Variants in FRAS1 observed in about 807,000 individuals in gnomAD.
The protein encoded by FRAS1 is extracellular matrix organizing protein FRAS1.
In FRAS1, 290 loss-of-function variants were observed where a neutral mutation model predicts 435.2. That is an observed-to-expected ratio of 0.67 (90% confidence interval 0.61 to 0.73). The LOEUF (loss-of-function observed/expected upper bound fraction) is 0.73, where lower values mean the gene tolerates loss of function less well. FRAS1 is among the 30% of genes least tolerant of loss of function. The probability of loss-of-function intolerance (pLI) is 0.00; values close to 1 mark genes in which losing one functional copy is unlikely to be tolerated. For missense variants in FRAS1, 4,860 were observed against 5,001.5 expected (o/e 0.97, Z 0.85); for synonymous variants, 1,800 against 1,851.0 (o/e 0.97, Z 0.71).
At chr4:78,451,110 C>G (rs1719007524) in intron 45 of FRAS1, among the ~76,000 whole-genome samples, 1 of 152,124 alleles carries the variant, frequency 6.6e-6, no homozygotes, top group South Asian at 2.1e-4. Flanking sequence ...TTAATTATTT[C>G]ATATGTCGGT....
At chr4:78,187,268 G>C (rs1427927337) in intron 2 of FRAS1, among the ~76,000 whole-genome samples, 2 of 152,160 alleles carry the variant, frequency 1.3e-5, no homozygotes, top group African/African-American at 4.8e-5. Context: ...AAAGGGGAGA[G>C]GGCCCTTAGC....
intron 26 of FRAS1, among the ~76,000 whole-genome samples, chr4:78,377,084 G>C (rs1045688371): frequency 6.6e-6 from 1 of 152,088 alleles, no homozygotes; most frequent in Non-Finnish European, 1.5e-5. Context: ...ATAACAAAGA[G>C]AAGTGAATTT....
intron 2 of FRAS1, among the ~76,000 whole-genome samples, chr4:78,093,625 C>T (rs1213683956): frequency 6.6e-6 from 1 of 152,140 alleles, no homozygotes; most frequent in African/African-American, 2.4e-5. Flanking sequence ...TGCTCTCCAA[C>T]ATTTTATTTT....
chr4:78,318,302 G>C (rs1729359763), intron 17 of FRAS1, among the ~76,000 whole-genome samples: 1 of 152,190 alleles, frequency 6.6e-6, no homozygotes, highest in Admixed American at 6.5e-5. Flanking sequence ...GCAAAATACT[G>C]TCTAGAAAAG....
chr4:78,396,709 T>G (rs192484856), intron 29 of FRAS1, among the ~76,000 whole-genome samples: 1 of 152,350 alleles, frequency 6.6e-6, no homozygotes, highest in East Asian at 1.9e-4. Context: ...TCATTCTTTT[T>G]TATTTTTGTT....
At chr4:78,222,447 T>A (rs1240674595) in intron 2 of FRAS1, among the ~76,000 whole-genome samples, 5 of 152,182 alleles carry the variant, frequency 3.3e-5, no homozygotes, top group Non-Finnish European at 7.3e-5. Context: ...CACAGCGACT[T>A]CTCCGTAAAT....
intron 2 of FRAS1, among the ~76,000 whole-genome samples, chr4:78,215,774 A>G (rs894195558): frequency 6.6e-5 from 10 of 152,334 alleles, no homozygotes; most frequent in Admixed American, 2.6e-4. Flanking sequence ...AATTTGGAGC[A>G]TATATCAGAG....
At chr4:78,142,981 G>A (rs1720257904) in intron 2 of FRAS1, among the ~76,000 whole-genome samples, 1 of 151,960 alleles carries the variant, frequency 6.6e-6, no homozygotes, top group Non-Finnish European at 1.5e-5. Flanking sequence ...AAAGCAAACA[G>A]TAACATAGAA....
At chr4:78,458,401 G>A (rs1055804830) in intron 47 of FRAS1, among the ~76,000 whole-genome samples, 3 of 152,138 alleles carry the variant, frequency 2.0e-5, no homozygotes, top group Non-Finnish European at 4.4e-5. Flanking sequence ...GATATAAATA[G>A]TTCTCTTGTC....
chr4:78,326,809 AAGAC>A (rs1202562782), intron 18 of FRAS1, among the ~76,000 whole-genome samples: 2 of 152,162 alleles, frequency 1.3e-5, no homozygotes, highest in East Asian at 1.9e-4. Flanking sequence ...GAAATTTTCA[AAGAC>A]AGAAGAAGTA....
At chr4:78,420,731 G>A (rs948110641) in intron 33 of FRAS1, among the ~76,000 whole-genome samples, 2 of 151,722 alleles carry the variant, frequency 1.3e-5, no homozygotes, top group Non-Finnish European at 2.9e-5. Context: ...CCTTTGAATT[G>A]AAACTCAACT....
intron 17 of FRAS1, among the ~76,000 whole-genome samples, chr4:78,317,810 T>A (rs1247202809): frequency 1.3e-5 from 2 of 152,226 alleles, no homozygotes; most frequent in African/African-American, 4.8e-5. Flanking sequence ...CTCTTACCTT[T>A]GCTAATGTTT....
chr4:78,436,085 C>G (rs1734415708), intron 38 of FRAS1, among the ~76,000 whole-genome samples: 1 of 152,056 alleles, frequency 6.6e-6, no homozygotes, highest in Admixed American at 6.5e-5. Context: ...AAGCAGCAAA[C>G]AGGCCAGTTA....
At chr4:78,169,128 A>G (rs1411287377) in intron 2 of FRAS1, among the ~76,000 whole-genome samples, 1 of 152,204 alleles carries the variant, frequency 6.6e-6, no homozygotes, top group East Asian at 1.9e-4. Flanking sequence ...CTTGAGTACA[A>G]TTGACTTGAG....
chr4:78,172,135 A>T (rs890385353), intron 2 of FRAS1, among the ~76,000 whole-genome samples: 2 of 151,736 alleles, frequency 1.3e-5, no homozygotes, highest in African/African-American at 2.4e-5. Flanking sequence ...TTCCTGCCTC[A>T]CTGTTTCCCT....
intron 30 of FRAS1, 99 bp downstream of exon 30, chr4:78,400,986 A>T: frequency 9.1e-7 from 1 of 1,101,036 alleles, no homozygotes. Context: ...ATTCCAATGA[A>T]CTGAGCTTTC....
chr4:78,260,549 AT>A (rs1726037052), intron 6 of FRAS1, among the ~76,000 whole-genome samples: 1 of 151,452 alleles, frequency 6.6e-6, no homozygotes, highest in Admixed American at 6.6e-5. Flanking sequence ...TTGTACATTG[AT>A]TTTGTATCCT....
At chr4:78,450,766 A>G (rs1402676358) in intron 45 of FRAS1, among the ~76,000 whole-genome samples, 31 of 152,328 alleles carry the variant, frequency 2.0e-4, no homozygotes, top group Admixed American at 2.0e-3. Flanking sequence ...ATGGAAGGGC[A>G]TAAATCGGAG....
At chr4:78,509,046 A>G in intron 63 of FRAS1, 40 bp downstream of exon 63, 1 of 1,603,418 alleles carries the variant, frequency 6.2e-7, no homozygotes, top group Non-Finnish European at 8.5e-7. Flanking sequence ...CCTCCCTGGG[A>G]GAGAACTGGT....
Sources: allele counts gnomAD v4.1 joint callset (sites outside exome capture counted in the v4.1 genomes callset), GRCh38; gene constraint gnomAD v4.1.1; transcripts MANE v1.5; gene names NCBI Gene and HGNC (gene_info 2026-07-23, HGNC 2026-07-21).